SH3GL2: variants seen among roughly 807,000 people sequenced by gnomAD.
SH3GL2 encodes the protein endophilin-A1.
Under a neutral mutation model 46.0 loss-of-function variants are expected in SH3GL2, and 24 were observed. The ratio of observed to expected loss-of-function variants is 0.52; its 90% CI spans 0.38 to 0.73. SH3GL2 has a LOEUF of 0.73. Ranked by LOEUF, SH3GL2 falls within the 30% of genes least tolerant of loss-of-function variation. The pLI is 0.00. For missense variants in SH3GL2, 413 were observed against 424.2 expected, an observed-to-expected ratio of 0.97 and a Z score of 0.23; for synonymous variants, 196 against 147.1, an observed-to-expected ratio of 1.33 and a Z score of -2.40.
At chr9:17,773,221 C>T (rs1156624843) in intron 3 of SH3GL2, among the ~76,000 whole-genome samples, 2 of 152,018 alleles carry the variant, frequency 1.3e-5, no homozygotes, top group African/African-American at 2.4e-5. Context: ...CTGTACATAT[C>T]AGATATGATT....
At chr9:17,639,182 G>A (rs1819614830) in intron 1 of SH3GL2, among the ~76,000 whole-genome samples, 1 of 152,132 alleles carries the variant, frequency 6.6e-6, no homozygotes, top group African/African-American at 2.4e-5. Flanking sequence ...GACATGGAAG[G>A]CATGAACTGC....
chr9:17,706,805 G>A (rs183771658), intron 1 of SH3GL2, among the ~76,000 whole-genome samples: 1 of 151,994 alleles, frequency 6.6e-6, no homozygotes, highest in East Asian at 1.9e-4. Flanking sequence ...CCATTAAAAT[G>A]AATAATGACC....
intron 1 of SH3GL2, among the ~76,000 whole-genome samples, chr9:17,619,226 A>G (rs1453893082): frequency 6.6e-6 from 1 of 152,226 alleles, no homozygotes; most frequent in Non-Finnish European, 1.5e-5. Flanking sequence ...GAAGTGATTC[A>G]TCATCTCCAC....
At chr9:17,737,786 G>T (rs1310303666) in intron 1 of SH3GL2, among the ~76,000 whole-genome samples, 1 of 152,046 alleles carries the variant, frequency 6.6e-6, no homozygotes, top group African/African-American at 2.4e-5. Context: ...GGAGATGCAT[G>T]TTCTCCCTGA....
rs531733753 is a variant in SH3GL2 at position 17,742,848 on chromosome 9, GTTT to G, written c.46-4215_46-4213del. Among the ~76,000 whole-genome samples the G allele has an allele frequency of 7.9e-5, 12 of 152,198 alleles. No individual in the cohort carries two copies. In the South Asian group the frequency reaches 2.3e-3, roughly 29 times the overall value. ...TACAGGAGAGTTGTTTTTAGGAGTT[GTTT>G]TTAGTTTTTTGGATGATACAGGGGG... On this transcript the variant is annotated intron_variant, in intron 1 of 8. Coordinates refer to ENST00000380607, the MANE Select transcript of SH3GL2 (RefSeq NM_003026.5).
chr9:17,752,236 C>T (rs184997253), intron 2 of SH3GL2, among the ~76,000 whole-genome samples: 12 of 152,156 alleles, frequency 7.9e-5, no homozygotes, highest in African/African-American at 2.7e-4. Flanking sequence ...CGCTGCCAGA[C>T]AGACCTTCCC....
chr9:17,739,884 A>G (rs1563834394), intron 1 of SH3GL2, among the ~76,000 whole-genome samples: 1 of 152,112 alleles, frequency 6.6e-6, no homozygotes, highest in Admixed American at 6.6e-5. Context: ...CCAGTGAACC[A>G]CACCAGAAAC....
Position 17,629,936 on chromosome 9 carries a change from C to T in SH3GL2, c.45+50649C>T, listed in dbSNP as rs187480570. 7.2e-5 allele frequency among the ~76,000 whole-genome samples: 11 copies of T among 152,214 alleles called. No individual in the cohort carries two copies. The East Asian group carries it at 2.1e-3, about 29-fold the overall frequency. On this transcript the variant is annotated intron_variant, in intron 1 of 8. Coordinates refer to ENST00000380607, the MANE Select transcript of SH3GL2 (RefSeq NM_003026.5). ...ACTGTTTAAAATGTGGTTCCCAGGC[C>T]ACCTGTAATGGAATCACATGGAGAT...
intron 1 of SH3GL2, among the ~76,000 whole-genome samples, chr9:17,620,356 A>G (rs139266292): frequency 2.8e-4 from 42 of 152,334 alleles, no homozygotes; most frequent in African/African-American, 9.9e-4. Flanking sequence ...AAAAATAGCA[A>G]ATACTTACAC....
At chr9:17,771,384 C>T (rs1823476599) in intron 3 of SH3GL2, among the ~76,000 whole-genome samples, 1 of 152,196 alleles carries the variant, frequency 6.6e-6, no homozygotes, top group African/African-American at 2.4e-5. Context: ...ATATTATGCA[C>T]CTTCCTTTCC....
At chr9:17,667,565 T>C (rs1820378018) in intron 1 of SH3GL2, among the ~76,000 whole-genome samples, 1 of 152,240 alleles carries the variant, frequency 6.6e-6, no homozygotes, top group Non-Finnish European at 1.5e-5. Context: ...TTCTCATCAG[T>C]TGGACATTTA....
chr9:17,668,836 T>G (rs961047674), intron 1 of SH3GL2, among the ~76,000 whole-genome samples: 3 of 152,106 alleles, frequency 2.0e-5, no homozygotes, highest in African/African-American at 7.2e-5. Flanking sequence ...TTTAAAATTT[T>G]TAATAGAGAT....
intron 3 of SH3GL2, among the ~76,000 whole-genome samples, chr9:17,765,335 T>C (rs1292446642): frequency 6.7e-6 from 1 of 148,318 alleles, no homozygotes; most frequent in African/African-American, 2.5e-5. Context: ...AGATTACTGC[T>C]CCTGGGTGCT....
rs116183547 is a variant in SH3GL2 at position 17,716,549 on chromosome 9, A to G, written c.46-30517A>G. Among the ~76,000 whole-genome samples the G allele has an allele frequency of 6.9e-3, 1,054 of 152,302 alleles. 13 individuals carry two copies. Among genetic ancestry groups the G allele is most frequent in the African/African-American group, 0.024 (1,005 of 41,580 alleles). On this transcript the variant is annotated intron_variant, in intron 1 of 8. Transcript: ENST00000380607. Reference sequence around the variant, plus strand: ...TAGGCACTCTTCCTGGCCCCATGGCAGTGTGCTGAGTACTGTTCCCTCTAC... The same window carrying G: ...TAGGCACTCTTCCTGGCCCCATGGCGGTGTGCTGAGTACTGTTCCCTCTAC...
At chr9:17,622,460 C>T (rs1350791371) in intron 1 of SH3GL2, among the ~76,000 whole-genome samples, 1 of 152,140 alleles carries the variant, frequency 6.6e-6, no homozygotes. Context: ...TAAATAAGGA[C>T]ACTAGAATTG....
intron 1 of SH3GL2, among the ~76,000 whole-genome samples, chr9:17,642,407 T>C (rs1387953808): frequency 2.0e-5 from 3 of 152,224 alleles, no homozygotes; most frequent in African/African-American, 7.2e-5. Context: ...GCTTTTGGTG[T>C]TTTAGTCATG....
At chr9:17,689,775 G>C (rs1164475239) in intron 1 of SH3GL2, among the ~76,000 whole-genome samples, 2 of 152,052 alleles carry the variant, frequency 1.3e-5, no homozygotes, top group Non-Finnish European at 2.9e-5. Context: ...TGACCTTCCT[G>C]ATTATAATAG....
chr9:17,656,236 G>A (rs1820073488), intron 1 of SH3GL2, among the ~76,000 whole-genome samples: 2 of 152,090 alleles, frequency 1.3e-5, no homozygotes, highest in Non-Finnish European at 2.9e-5. Context: ...TTGGTAGACC[G>A]ATTTGCATTA....
chr9:17,790,307 C>T (rs1010452623), intron 6 of SH3GL2: 1 of 287,196 alleles, frequency 3.5e-6, no homozygotes, highest in African/African-American at 2.3e-5. Flanking sequence ...CCCTAACAGA[C>T]ACACCCAGAA....
Sources: allele counts gnomAD v4.1 joint callset (sites outside exome capture counted in the v4.1 genomes callset), GRCh38; gene constraint gnomAD v4.1.1; transcripts MANE v1.5; gene names NCBI Gene and HGNC (gene_info 2026-07-23, HGNC 2026-07-21).